The following RIF1 variants were observed in gnomAD, a reference collection of about 807,000 sequenced individuals.
RIF1 encodes the protein replication timing regulatory factor 1.
In RIF1, 45 loss-of-function variants were observed where a neutral mutation model predicts 247.1. The observed-to-expected ratio is 0.18, with a 90% confidence interval of 0.14 to 0.23. The LOEUF (loss-of-function observed/expected upper bound fraction) is 0.23. Ranked by LOEUF, RIF1 falls within the 10% of genes least tolerant of loss-of-function variation. RIF1 has a pLI of 1.00. For missense variants in RIF1, 2,967 were observed against 2,862.5 expected (o/e 1.04, Z -0.83); for synonymous variants, 1,087 against 978.8 (o/e 1.11, Z -2.06).
Position 151,464,029 on chromosome 2 carries a change from A to T in RIF1, c.4509A>T (p.Lys1503Asn). 6.2e-7 allele frequency: 1 copy of T among 1,610,072 alleles called. No individual in the cohort carries two copies. The highest frequency in any genetic ancestry group is 8.5e-7 in the Non-Finnish European group (1 of 1,179,162). ...TSANAETEQN[K>N]KKADPENIKS... is the part of the protein sequence containing the mutation. ...CTAATGCAGAAACTGAACAAAATAA[A>T]AAAAAGGCAGACCCTGAGAACATTA... is the stretch of plus-strand genomic sequence containing the variant. Residue 1503 changes from lysine to asparagine, a missense_variant, in exon 30 of 36, where the codon AAA becomes AAT. Lys to Asn is a moderately conservative substitution (Grantham distance 94). Transcript: ENST00000444746.
chr2:151,518,042 T>C, the RIF1 span, among the ~76,000 whole-genome samples: 1 of 152,136 alleles, frequency 6.6e-6, no homozygotes, highest in Non-Finnish European at 1.5e-5. Context: ...ATGGGGCACA[T>C]TGGAGTTACC....
chr2:151,496,998 A>C, intron 10 of RIF1: 1 of 1,578,320 alleles, frequency 6.3e-7, no homozygotes, highest in South Asian at 1.2e-5. Flanking sequence ...TGACAGGTAG[A>C]GGGGTTCCCT....
At chr2:151,494,030 G>A (rs2058506754) in intron 9 of RIF1, 1 of 914,534 alleles carries the variant, frequency 1.1e-6, no homozygotes, top group Non-Finnish European at 1.7e-6. Context: ...TAAATGTAGT[G>A]TGATATTTAG....
At chr2:151,452,268 T>C (rs935110624) in intron 21 of RIF1, among the ~76,000 whole-genome samples, 3 of 152,224 alleles carry the variant, frequency 2.0e-5, no homozygotes, top group Non-Finnish European at 2.9e-5. Context: ...CCATATGCCT[T>C]GGTTAGTTTT....
At chr2:151,492,828 A>C (rs1037213477) in intron 9 of RIF1, 4 of 194,514 alleles carry the variant, frequency 2.1e-5, no homozygotes, top group African/African-American at 9.3e-5. Context: ...CTGACATTGT[A>C]GGGAATTTGA....
intron 13 of RIF1, among the ~76,000 whole-genome samples, chr2:151,437,904 C>G (rs965095530): frequency 6.6e-6 from 1 of 152,104 alleles, no homozygotes; most frequent in Non-Finnish European, 1.5e-5. Context: ...CTCTATGGCT[C>G]TAGCATCTGT....
chr2:151,439,430 C>G (rs938707635), intron 14 of RIF1, among the ~76,000 whole-genome samples: 1 of 152,002 alleles, frequency 6.6e-6, no homozygotes, highest in Non-Finnish European at 1.5e-5. Context: ...TTTGGGAGGC[C>G]GAGGCGGGCG....
chr2:151,467,791 A>C (rs1697186731), intron 30 of RIF1, among the ~76,000 whole-genome samples: 1 of 152,144 alleles, frequency 6.6e-6, no homozygotes, highest in African/African-American at 2.4e-5. Flanking sequence ...ATGCAGAGAC[A>C]GTTTAAAATA....
intron 10 of RIF1, chr2:151,499,229 T>A: frequency 1.2e-6 from 1 of 842,610 alleles, no homozygotes. Flanking sequence ...ATTAGATTTT[T>A]AAAATCTAGC....
At position 151,497,565 on chromosome 2, in the gene RIF1, A is replaced by AAATC. The variant is rs1209881884; in HGVS notation, c.*514-1778_*514-1775dup. 5.3e-5 allele frequency: 81 copies of AAATC among 1,532,548 alleles called. 1 individual carries two copies. In the South Asian group the frequency reaches 8.8e-4, roughly 17 times the overall value. 94.9% of individuals were successfully genotyped at this position (1,532,548 alleles called of 1,614,324 possible). ...AAGTAGGATTAATACGTATTATTTT[A>AAATC]AATCATGAAAGTTTTCAAAATCATT... On this transcript the variant is annotated intron_variant and NMD_transcript_variant, in intron 10 of 13. Coordinates refer to the RIF1 transcript ENST00000454583.
At chr2:151,430,052 G>A (rs1323786748) in intron 9 of RIF1, among the ~76,000 whole-genome samples, 2 of 148,378 alleles carry the variant, frequency 1.3e-5, no homozygotes, top group African/African-American at 2.5e-5. Flanking sequence ...ACGGAGTTTC[G>A]CTCTGTCGTC....
chr2:151,441,378 A>C (rs572963143), intron 15 of RIF1, among the ~76,000 whole-genome samples: 1 of 152,318 alleles, frequency 6.6e-6, no homozygotes, highest in African/African-American at 2.4e-5. Context: ...TAGTAGTATA[A>C]AAAAACATAG....
At chr2:151,423,617 A>G (rs1688527543) in intron 8 of RIF1, 1 of 152,428 alleles carries the variant, frequency 6.6e-6, no homozygotes, top group Admixed American at 6.5e-5. Context: ...ACAGCTGACA[A>G]AAGTGTTGTG....
chr2:151,451,957 A>G (rs970129381), intron 21 of RIF1, among the ~76,000 whole-genome samples: 1 of 152,240 alleles, frequency 6.6e-6, no homozygotes, highest in Non-Finnish European at 1.5e-5. Flanking sequence ...ACGCAGAAAG[A>G]TAAATACTAT....
At position 151,416,783 on chromosome 2, in the gene RIF1, GTATT is replaced by G; in HGVS notation, c.409-18_409-15del. 1 of 1,603,154 alleles carries G rather than the reference GTATT, an allele frequency of 6.2e-7. No individual in the cohort carries two copies. The highest frequency in any genetic ancestry group is 1.3e-5 in the African/African-American group (1 of 74,478). ...AAAACAGTTCAGGCTTATTTCATTTGTATTTATTTGGTTCGTTTTTTAGGTATCC... is the reference window on the plus strand; with the variant it reads ...AAAACAGTTCAGGCTTATTTCATTTGTATTTGGTTCGTTTTTTAGGTATCC... On this transcript the variant is annotated intron_variant, in intron 5 of 35. Transcript: ENST00000444746.
In RIF1 at chr2:151,465,044, G is replaced by A. The variant is rs1420596847; in HGVS notation, c.5524G>A (p.Asp1842Asn). Residue 1842 changes from aspartate (D) to asparagine (N), a missense_variant, in exon 30 of 36, where the codon GAT becomes AAT. Physicochemically the swap from Asp to Asn is conservative, Grantham distance 23 (BLOSUM62 1). This residue lies in a region of RIF1 where 2,028 missense variants were observed against 1,825.6 expected (regional missense o/e 1.11). Transcript: ENST00000444746. ...CTTTAGAGAGGAAATTTGTGATATG[G>A]ATTCTAGTGAAGCAATGTCTCTTGA... The part of the protein sequence containing the change: ...VNFREEICDM[D>N]SSEAMSLESQ... 6.3e-7 allele frequency: 1 copy of A among 1,587,032 alleles called. No homozygotes were observed. Among genetic ancestry groups the A allele is most frequent in the Non-Finnish European group, 8.5e-7 (1 of 1,173,000 alleles).
chr2:151,431,927 G>C (rs963423784), intron 9 of RIF1, among the ~76,000 whole-genome samples: 4 of 152,208 alleles, frequency 2.6e-5, no homozygotes, highest in African/African-American at 9.7e-5. Flanking sequence ...CTAAATGGCA[G>C]AGTAGTTGTA....
At chr2:151,453,656 G>A (rs181458958) in intron 21 of RIF1, among the ~76,000 whole-genome samples, 1 of 149,550 alleles carries the variant, frequency 6.7e-6, no homozygotes, top group Admixed American at 6.7e-5. Flanking sequence ...ATTGCTTTAA[G>A]ATTAGATTCA....
At chr2:151,514,758 G>T in the RIF1 span, 1 of 1,177,790 alleles carries the variant, frequency 8.5e-7, no homozygotes, top group South Asian at 1.4e-5. Context: ...ACACATTAAT[G>T]AGTGTCACTA....
Sources: allele counts gnomAD v4.1 joint callset (sites outside exome capture counted in the v4.1 genomes callset), GRCh38; gene constraint gnomAD v4.1.1; regional missense constraint gnomAD v4.1.1; transcripts MANE v1.5; gene names NCBI Gene and HGNC (gene_info 2026-07-23, HGNC 2026-07-21).